Variants in SATL1 observed in about 807,000 individuals in gnomAD.
The protein encoded by SATL1 is spermidine/spermine N1-acetyl transferase like 1, also known as spermidine/spermine N(1)-acetyltransferase-like protein 1.
In SATL1, 47 loss-of-function variants were observed where a neutral mutation model predicts 51.8. The observed-to-expected ratio is 0.91, with a 90% confidence interval of 0.72 to 1.16. SATL1 has a LOEUF of 1.16. Ranked by LOEUF, SATL1 falls within the 50% of genes most tolerant of loss-of-function variation. SATL1 has a pLI of 0.00. For missense variants in SATL1, 520 were observed against 526.4 expected (o/e 0.99, Z 0.12); for synonymous variants, 176 against 182.4 (o/e 0.97, Z 0.28).
intron 2 of SATL1, among the ~76,000 whole-genome samples, chrX:85,206,666 C>G (rs948791417): frequency 1.8e-5 from 2 of 110,093 alleles, no homozygotes; most frequent in Non-Finnish European, 3.8e-5. Flanking sequence ...AGACAACTTT[C>G]TTTGAGATGT....
At chrX:85,201,497 G>A (rs1206135944) in intron 2 of SATL1, among the ~76,000 whole-genome samples, 2 of 111,002 alleles carry the variant, frequency 1.8e-5, no homozygotes, top group Non-Finnish European at 3.8e-5. Flanking sequence ...AGGGGTACAT[G>A]TGAAGGTTGG....
At chrX:85,226,473 A>G (rs776862548) in intron 1 of SATL1, among the ~76,000 whole-genome samples, 4 of 111,467 alleles carry the variant, frequency 3.6e-5, no homozygotes, top group Non-Finnish European at 7.5e-5. Flanking sequence ...TTCATAAAGC[A>G]ATCATGTACT....
Position 85,109,094 on chromosome X carries a change from T to C in SATL1, c.-126A>G. On this transcript the variant is annotated 5_prime_UTR_variant, in exon 3 of 8. Transcript: ENST00000644105. ...TTAACTGTGCTGTGGTGGGAGGTTGTTGGCTGTTCCCAGTTCTTCTCAATT... is the reference window on the plus strand; with the variant it reads ...TTAACTGTGCTGTGGTGGGAGGTTGCTGGCTGTTCCCAGTTCTTCTCAATT... 3.2e-6 allele frequency: 2 copies of C among 633,856 alleles called. No individual in the cohort carries two copies. Among genetic ancestry groups the C allele is most frequent in the South Asian group, 3.0e-5 (1 of 33,694 alleles). 52.2% of individuals were successfully genotyped at this position (633,856 alleles called of 1,213,427 possible).
At chrX:85,129,570 T>C (rs1457232423) in intron 2 of SATL1, among the ~76,000 whole-genome samples, 1 of 111,923 alleles carries the variant, frequency 8.9e-6, no homozygotes, top group Non-Finnish European at 1.9e-5. Context: ...GTTTTTTAAA[T>C]ATACAATCAT....
chrX:85,205,553 C>T (rs994788085), intron 2 of SATL1, among the ~76,000 whole-genome samples: 2 of 111,840 alleles, frequency 1.8e-5, no homozygotes, highest in Non-Finnish European at 3.8e-5. Flanking sequence ...GAGGAAAACC[C>T]TTCTATATAA....
chrX:85,150,731 T>C (rs1926405396), intron 2 of SATL1, among the ~76,000 whole-genome samples: 1 of 110,513 alleles, frequency 9.0e-6, no homozygotes, highest in South Asian at 3.9e-4. Context: ...ATTATCTCAA[T>C]AGATGCAGAA....
At chrX:85,115,545 T>A (rs1925365481) in intron 2 of SATL1, among the ~76,000 whole-genome samples, 1 of 112,068 alleles carries the variant, frequency 8.9e-6, no homozygotes, top group African/African-American at 3.2e-5. Context: ...GAGGAGCCCA[T>A]GTTTTTGCTG....
intron 2 of SATL1, chrX:85,210,060 T>C (rs1338037408): frequency 9.1e-6 from 1 of 109,512 alleles, no homozygotes; most frequent in Non-Finnish European, 1.9e-5. Flanking sequence ...AGTGTTCTGG[T>C]TTGGACAAGA....
At chrX:85,151,767 T>G (rs186211259) in intron 2 of SATL1, among the ~76,000 whole-genome samples, 143 of 111,702 alleles carry the variant, frequency 1.3e-3, no homozygotes, top group African/African-American at 4.2e-3. Flanking sequence ...TAGCCATATG[T>G]AGAAAGCTGA....
chrX:85,226,916 C>CT (rs1928286327), intron 1 of SATL1, among the ~76,000 whole-genome samples: 1 of 111,168 alleles, frequency 9.0e-6, no homozygotes, highest in African/African-American at 3.3e-5. Flanking sequence ...TTTACAGTAA[C>CT]TTATCATTCT....
intron 2 of SATL1, among the ~76,000 whole-genome samples, chrX:85,150,981 G>T (rs946112034): frequency 1.8e-5 from 2 of 111,400 alleles, no homozygotes; most frequent in Admixed American, 1.9e-4. Flanking sequence ...TCAGGCAGGA[G>T]AAGGAAATAA....
intron 2 of SATL1, among the ~76,000 whole-genome samples, chrX:85,114,779 G>A (rs1009970162): frequency 3.6e-5 from 4 of 112,354 alleles, no homozygotes; most frequent in South Asian, 3.7e-4. Context: ...TACTATTGAT[G>A]TCAAACCCAG....
At chrX:85,119,983 A>G (rs1925469437) in intron 2 of SATL1, among the ~76,000 whole-genome samples, 1 of 112,385 alleles carries the variant, frequency 8.9e-6, no homozygotes, top group Admixed American at 9.5e-5. Flanking sequence ...GCATATATTT[A>G]TGAAGTAACT....
rs774808838 is a variant in SATL1 at position 85,092,479 on chromosome X, C to A, written c.2000G>T (p.Arg667Leu). Reference protein sequence around the residue: ...NQASINYYTSRGALDLSSEEG... With the variant: ...NQASINYYTSLGALDLSSEEG... The stretch of plus-strand genomic sequence containing the variant: ...CTCAGAGGAAAGGTCTAAAGCCCCT[C>A]GACTAGTATAGTAGTTGATAGAAGC... Residue 667 changes from arginine (R) to leucine (L), a missense_variant, in exon 8 of 8, where the codon CGA becomes CTA. Physicochemically the swap from Arg to Leu is moderately radical, Grantham distance 102 (BLOSUM62 -2). Transcript: ENST00000644105. The A allele has an allele frequency of 3.3e-6, 4 of 1,208,200 alleles. No homozygotes were observed. The African/African-American group carries it at 6.9e-5, about 21-fold the overall frequency.
chrX:85,231,857 T>C (rs1928387602), intron 1 of SATL1, among the ~76,000 whole-genome samples: 1 of 110,557 alleles, frequency 9.0e-6, no homozygotes, highest in Admixed American at 9.7e-5. Context: ...GCAGTCTAGG[T>C]CATAAGGACT....
intron 3 of SATL1, among the ~76,000 whole-genome samples, chrX:85,105,554 G>T (rs781084713): frequency 8.9e-6 from 1 of 111,957 alleles, no homozygotes; most frequent in East Asian, 2.8e-4. Flanking sequence ...TAAGCAAGAA[G>T]TATGGCTGCC....
At chrX:85,147,395 C>A (rs1926283942) in intron 2 of SATL1, among the ~76,000 whole-genome samples, 2 of 113,968 alleles carry the variant, frequency 1.8e-5, no homozygotes, top group South Asian at 6.9e-4. Context: ...GGGGGCAGGG[C>A]ACAGACAAAC....
At chrX:85,150,064 C>T (rs1181492695) in intron 2 of SATL1, among the ~76,000 whole-genome samples, 4 of 110,924 alleles carry the variant, frequency 3.6e-5, no homozygotes, top group African/African-American at 1.3e-4. Context: ...TGATAGACTG[C>T]TGGCAAGACT....
At chrX:85,094,836 A>G in intron 5 of SATL1, 80 bp downstream of exon 5, 2 of 617,923 alleles carry the variant, frequency 3.2e-6, no homozygotes, top group Non-Finnish European at 2.6e-6. Flanking sequence ...AATAGTAATT[A>G]TATGCTACAA....
Sources: gnomAD v4.1 joint callset for allele counts (sites outside exome capture counted in the v4.1 genomes callset) on GRCh38, gnomAD v4.1.1 for gene constraint, MANE v1.5 for transcripts, NCBI Gene and HGNC (gene_info 2026-07-23, HGNC 2026-07-21) for gene names.